PRPF18: variants seen among roughly 807,000 people sequenced by gnomAD.
PRPF18 encodes the protein pre-mRNA-splicing factor 18.
In PRPF18, 38 loss-of-function variants were observed where a neutral mutation model predicts 46.5. The ratio of observed to expected loss-of-function variants is 0.82; its 90% CI spans 0.63 to 1.07. The LOEUF (loss-of-function observed/expected upper bound fraction) is 1.07. Ranked by LOEUF, PRPF18 falls within the 50% of genes least tolerant of loss-of-function variation. The pLI, the probability that PRPF18 is intolerant of heterozygous loss-of-function variation, is 0.00. For synonymous variants in PRPF18, 152 were observed against 146.7 expected, an observed-to-expected ratio of 1.04 and a Z score of -0.26; for missense variants, 263 against 410.0, an observed-to-expected ratio of 0.64 and a Z score of 3.10.
chr10:13,617,257 T>G (rs2080357107), intron 9 of PRPF18, among the ~76,000 whole-genome samples: 1 of 152,254 alleles, frequency 6.6e-6, no homozygotes, highest in Non-Finnish European at 1.5e-5. Context: ...TACTTAAAAT[T>G]TGAAGTTCAC....
At chr10:13,596,093 C>A (rs776583279) in intron 1 of PRPF18, among the ~76,000 whole-genome samples, 5 of 152,210 alleles carry the variant, frequency 3.3e-5, no homozygotes, top group Non-Finnish European at 7.3e-5. Context: ...GAAGTTCAAT[C>A]CTTGCATTTG....
chr10:13,617,558 A>AT (rs397830201), intron 9 of PRPF18, among the ~76,000 whole-genome samples: 1 of 151,472 alleles, frequency 6.6e-6, no homozygotes, highest in Non-Finnish European at 1.5e-5. Flanking sequence ...AAAAAAAAAA[A>AT]GTTGCTTAGC....
intron 8 of PRPF18, among the ~76,000 whole-genome samples, chr10:13,615,841 A>G (rs1368696689): frequency 1.3e-5 from 2 of 152,118 alleles, no homozygotes; most frequent in Non-Finnish European, 1.5e-5. Flanking sequence ...TCCTTCAGCT[A>G]TTCGACTGGA....
rs2079882376 is a variant in PRPF18 at position 13,587,030 on chromosome 10, T to C, written c.-57T>C. On this transcript the variant is annotated 5_prime_UTR_variant, in exon 1 of 10. Transcript: ENST00000378572. ...AGTGGGTTCGCGGCCGCCGGCCCAG[T>C]GAGGCTGGGTTCGAGGAGCTGGAGC... 6 of 1,573,742 alleles carry C rather than the reference T, an allele frequency of 3.8e-6. No homozygotes were observed. Among genetic ancestry groups the C allele is most frequent in the Middle Eastern group, 1.7e-4 (1 of 6,004 alleles).
the PRPF18 span, chr10:13,651,998 G>A: frequency 7.3e-7 from 1 of 1,361,250 alleles, no homozygotes; most frequent in African/African-American, 1.4e-5. Context: ...AGCAGGAGGA[G>A]GAAGAGAAGA....
At chr10:13,609,234 A>C (rs996288360) in intron 4 of PRPF18, among the ~76,000 whole-genome samples, 1 of 152,360 alleles carries the variant, frequency 6.6e-6, no homozygotes, top group East Asian at 1.9e-4. Context: ...GAACAGCTGC[A>C]TCACATAGTA....
chr10:13,610,507 C>T (rs1004017474), intron 5 of PRPF18, among the ~76,000 whole-genome samples: 7 of 152,030 alleles, frequency 4.6e-5, no homozygotes, highest in Admixed American at 2.0e-4. Flanking sequence ...TTCTTTATTC[C>T]GTGTTTTACT....
intron 4 of PRPF18, among the ~76,000 whole-genome samples, chr10:13,608,995 A>G (rs1333587767): frequency 6.6e-6 from 1 of 152,212 alleles, no homozygotes; most frequent in Non-Finnish European, 1.5e-5. Context: ...CTGGCGTCAT[A>G]CTTTTTACAC....
At chr10:13,587,405 A>G (rs778150875) in intron 1 of PRPF18, among the ~76,000 whole-genome samples, 1 of 152,170 alleles carries the variant, frequency 6.6e-6, no homozygotes, top group Non-Finnish European at 1.5e-5. Flanking sequence ...TCAAAAGGAA[A>G]ACACCTGGGT....
At chr10:13,614,183 G>T in intron 8 of PRPF18, 97 bp downstream of exon 8, 1 of 938,478 alleles carries the variant, frequency 1.1e-6, no homozygotes, top group South Asian at 2.2e-5. Context: ...TTACATAGTA[G>T]ATTTAAGAAT....
At chr10:13,587,215 G>T in intron 1 of PRPF18, 63 bp downstream of exon 1, 2 of 1,523,338 alleles carry the variant, frequency 1.3e-6, no homozygotes, top group Non-Finnish European at 1.8e-6. Context: ...TCGGGGTTTT[G>T]GGGTGAGGGT....
At chr10:13,597,797 AT>A (rs763220872) in intron 2 of PRPF18, 37,512 of 423,820 alleles carry the variant, frequency 0.089, 1 homozygote, top group South Asian at 0.14. Flanking sequence ...CAAAGCTTGA[AT>A]TTTTTTTTTT....
intron 8 of PRPF18, among the ~76,000 whole-genome samples, chr10:13,615,099 C>T (rs1275980431): frequency 5.3e-5 from 8 of 152,248 alleles, no homozygotes; most frequent in Admixed American, 6.5e-5. Flanking sequence ...TATTTTTTGT[C>T]TTACAGTTAT....
intron 6 of PRPF18, among the ~76,000 whole-genome samples, chr10:13,612,376 G>A (rs980160360): frequency 2.6e-5 from 4 of 152,180 alleles, no homozygotes; most frequent in East Asian, 3.9e-4. Context: ...GGATTCAAGC[G>A]ATTATCCTGC....
chr10:13,623,396 G>A (rs557718005), intron 9 of PRPF18, among the ~76,000 whole-genome samples: 55 of 152,230 alleles, frequency 3.6e-4, no homozygotes, highest in African/African-American at 1.3e-3. Context: ...GCATATTAAT[G>A]CATTATTATG....
intron 3 of PRPF18, among the ~76,000 whole-genome samples, chr10:13,604,320 T>G (rs573065097): frequency 1.3e-5 from 2 of 152,202 alleles, no homozygotes; most frequent in African/African-American, 2.4e-5. Context: ...GGACTAGTAT[T>G]TATTACGTTT....
In PRPF18 at chr10:13,627,830, A is replaced by C. The variant is rs184139652; in HGVS notation, c.949-2430A>C. 5.9e-3 allele frequency among the ~76,000 whole-genome samples: 892 copies of C among 152,296 alleles called. 6 individuals are homozygous for C. The highest frequency in any genetic ancestry group is 0.02 in the African/African-American group (835 of 41,560). ...TTCCAATTCTTCTGACATGGGGAAA[A>C]CCACCTCCAAGGCAAACCATCAGTT... is the stretch of plus-strand genomic sequence containing the variant. On this transcript the variant is annotated intron_variant, in intron 9 of 9. Coordinates refer to ENST00000378572, the MANE Select transcript of PRPF18 (RefSeq NM_003675.4).
At chr10:13,590,843 T>C (rs921724306) in intron 1 of PRPF18, among the ~76,000 whole-genome samples, 2 of 152,142 alleles carry the variant, frequency 1.3e-5, no homozygotes, top group African/African-American at 4.8e-5. Flanking sequence ...CAGAGCCTGA[T>C]CTGTTAACCT....
At chr10:13,645,313 A>AT in the PRPF18 span, 1 of 151,232 alleles carries the variant, frequency 6.6e-6, no homozygotes, top group Admixed American at 6.6e-5. Flanking sequence ...CCTGGCTGTC[A>AT]ATGCCTTTCC....
Sources: allele counts gnomAD v4.1 joint callset (sites outside exome capture counted in the v4.1 genomes callset), GRCh38; gene constraint gnomAD v4.1.1; transcripts MANE v1.5; gene names NCBI Gene and HGNC (gene_info 2026-07-23, HGNC 2026-07-21).